GABRG3: variants seen among roughly 807,000 people sequenced by gnomAD.
GABRG3 encodes the protein gamma-aminobutyric acid receptor subunit gamma-3.
Under a neutral mutation model 48.8 loss-of-function variants are expected in GABRG3, and 25 were observed. The ratio of observed to expected loss-of-function variants is 0.51; its 90% CI spans 0.37 to 0.72. The LOEUF (loss-of-function observed/expected upper bound fraction) is 0.72, where lower values mean the gene tolerates loss of function less well. Ranked by LOEUF, GABRG3 falls within the 30% of genes least tolerant of loss-of-function variation. GABRG3 has a pLI of 0.00. For missense variants in GABRG3, 394 were observed against 577.9 expected, an observed-to-expected ratio of 0.68 and a Z score of 3.26; for synonymous variants, 227 against 217.6, an observed-to-expected ratio of 1.04 and a Z score of -0.38.
chr15:27,126,799 A>G (rs185094386), intron 3 of GABRG3, among the ~76,000 whole-genome samples: 198 of 152,272 alleles, frequency 1.3e-3, no homozygotes, highest in Non-Finnish European at 2.3e-3. Flanking sequence ...GACAGGTGCT[A>G]GGGATGGATG....
At chr15:27,110,325 C>G (rs977683892) in intron 3 of GABRG3, among the ~76,000 whole-genome samples, 13 of 152,130 alleles carry the variant, frequency 8.5e-5, no homozygotes, top group Non-Finnish European at 1.3e-4. Flanking sequence ...TCCTATGTCT[C>G]ATACATTACT....
Position 27,344,803 on chromosome 15 carries a change from A to G in GABRG3, c.574+15915A>G, listed in dbSNP as rs796155064. ...ACTCGGAGGGGTGTTTAAGTCTCTA[A>G]GTATAACAGTGGATATATATATATA... On this transcript the variant is annotated intron_variant, in intron 5 of 9. Coordinates refer to ENST00000615808, the MANE Select transcript of GABRG3 (RefSeq NM_033223.5). Among the ~76,000 whole-genome samples the G allele has an allele frequency of 1.6e-4, 24 of 152,162 alleles. 1 individual carries two copies. Among genetic ancestry groups the G allele is most frequent in the African/African-American group, 5.1e-4 (21 of 41,518 alleles).
chr15:27,341,022 G>A (rs758694052), intron 5 of GABRG3: 1 of 505,328 alleles, frequency 2.0e-6, no homozygotes, highest in Non-Finnish European at 3.9e-6. Context: ...ACTGTGCTGA[G>A]AAATAAACAG....
intron 3 of GABRG3, among the ~76,000 whole-genome samples, chr15:27,281,013 T>C (rs1891415286): frequency 6.6e-6 from 1 of 152,176 alleles, no homozygotes; most frequent in African/African-American, 2.4e-5. Flanking sequence ...GCTGTTTATG[T>C]ATATACCTTA....
intron 3 of GABRG3, among the ~76,000 whole-genome samples, chr15:27,029,008 C>A (rs1896033548): frequency 6.6e-6 from 1 of 152,176 alleles, no homozygotes; most frequent in African/African-American, 2.4e-5. Flanking sequence ...AACACGTGTG[C>A]ACCAGCATCC....
intron 3 of GABRG3, among the ~76,000 whole-genome samples, chr15:27,325,297 G>A (rs1344570101): frequency 2.0e-5 from 3 of 152,148 alleles, no homozygotes; most frequent in Non-Finnish European, 4.4e-5. Flanking sequence ...CAAGGCTGAG[G>A]CCATTCATCC....
At chr15:27,042,515 G>C (rs1896294295) in intron 3 of GABRG3, among the ~76,000 whole-genome samples, 1 of 152,188 alleles carries the variant, frequency 6.6e-6, no homozygotes, top group South Asian at 2.1e-4. Context: ...CCTCCCTGTT[G>C]CAGTGCGGTG....
At chr15:27,341,075 G>A (rs1894159277) in intron 5 of GABRG3, 2 of 417,252 alleles carry the variant, frequency 4.8e-6, no homozygotes, top group Non-Finnish European at 4.7e-6. Flanking sequence ...TGAAGAGTTA[G>A]CCAGGTCAGC....
At chr15:27,461,569 C>T (rs1418675706) in intron 5 of GABRG3, among the ~76,000 whole-genome samples, 2 of 152,218 alleles carry the variant, frequency 1.3e-5, no homozygotes, top group African/African-American at 4.8e-5. Flanking sequence ...GAGGTTGTCA[C>T]TGCTGGCATG....
At chr15:27,197,221 A>G (rs1888523453) in intron 3 of GABRG3, among the ~76,000 whole-genome samples, 1 of 152,198 alleles carries the variant, frequency 6.6e-6, no homozygotes, top group East Asian at 1.9e-4. Flanking sequence ...ATCGGGACAT[A>G]TCTGCATCAG....
At chr15:26,982,409 G>T (rs1895072789) in intron 2 of GABRG3, among the ~76,000 whole-genome samples, 1 of 152,176 alleles carries the variant, frequency 6.6e-6, no homozygotes, top group African/African-American at 2.4e-5. Flanking sequence ...AATTGCAAAT[G>T]GGGAGACAGT....
At chr15:27,130,232 G>T (rs1006602544) in intron 3 of GABRG3, among the ~76,000 whole-genome samples, 1 of 152,022 alleles carries the variant, frequency 6.6e-6, no homozygotes, top group Non-Finnish European at 1.5e-5. Flanking sequence ...TTTGTATGTG[G>T]TGTAAGATAA....
chr15:27,448,651 T>C (rs1268001565), intron 5 of GABRG3, among the ~76,000 whole-genome samples: 2 of 152,200 alleles, frequency 1.3e-5, no homozygotes, highest in East Asian at 3.9e-4. Flanking sequence ...TGTCATAGAT[T>C]CCACAAGGAA....
chr15:27,124,071 TGAG>T (rs1310228718), intron 3 of GABRG3, among the ~76,000 whole-genome samples: 1 of 152,186 alleles, frequency 6.6e-6, no homozygotes, highest in Non-Finnish European at 1.5e-5. Flanking sequence ...AGGGCAGCGG[TGAG>T]GAGGTCAACC....
chr15:27,364,025 G>A (rs10083616), intron 5 of GABRG3: 56,900 of 152,066 alleles, frequency 0.37, 13,157 homozygotes, highest in African/African-American at 0.65. Context: ...AGAGCAGGAC[G>A]CTGATGTTTG....
rs377141270 is a variant in GABRG3 at position 27,323,462 on chromosome 15, G to A, written c.271-3347G>A. Among the ~76,000 whole-genome samples the A allele has an allele frequency of 2.3e-3, 344 of 152,276 alleles. 1 individual carries two copies. Among genetic ancestry groups the A allele is most frequent in the Middle Eastern group, 6.8e-3 (2 of 294 alleles). The stretch of plus-strand genomic sequence containing the variant: ...TCCAGTAAACCAGTGTTCAAAGAAA[G>A]AAGGGAGTAAAACTTAAAAATGCCC... On this transcript the variant is annotated intron_variant, in intron 3 of 9. Coordinates refer to ENST00000615808, the MANE Select transcript of GABRG3 (RefSeq NM_033223.5).
intron 3 of GABRG3, among the ~76,000 whole-genome samples, chr15:27,286,375 C>G (rs1371982771): frequency 6.6e-6 from 1 of 152,196 alleles, no homozygotes; most frequent in Non-Finnish European, 1.5e-5. Flanking sequence ...TCCTTTGTCT[C>G]TTCCACTTTC....
In GABRG3 at chr15:27,001,888, G is replaced by GTTTTTTTTTTTTTTTTTTT. The variant is rs60516105; in HGVS notation, c.202+24753_202+24754insTTTTTTTTTTTTTTTTTTT. Among the ~76,000 whole-genome samples, 1,014 of 121,014 alleles carry GTTTTTTTTTTTTTTTTTTT rather than the reference G, an allele frequency of 8.4e-3. 58 individuals are homozygous for GTTTTTTTTTTTTTTTTTTT. Among genetic ancestry groups the GTTTTTTTTTTTTTTTTTTT allele is most frequent in the East Asian group, 0.029 (121 of 4,180 alleles). The allele number at this position is 121,014 out of a possible 152,430, so 79.4% of individuals were successfully genotyped here. ...CTTGAAGAGAGGTTCCCATAACTCAGTTTTTTTTTTTTTTTAAGATATGGT... is the reference window on the plus strand; with the variant it reads ...CTTGAAGAGAGGTTCCCATAACTCAGTTTTTTTTTTTTTTTTTTTTTTTTTTTTTTTTTTAAGATATGGT... On this transcript the variant is annotated intron_variant, in intron 2 of 9. Coordinates refer to ENST00000615808, the MANE Select transcript of GABRG3 (RefSeq NM_033223.5).
intron 5 of GABRG3, among the ~76,000 whole-genome samples, chr15:27,472,089 G>A (rs1566856548): frequency 1.3e-5 from 2 of 152,078 alleles, no homozygotes; most frequent in Non-Finnish European, 2.9e-5. Flanking sequence ...CAAGAATATA[G>A]TGTGTCTTTA....
Sources: gnomAD v4.1 joint callset for allele counts (sites outside exome capture counted in the v4.1 genomes callset) on GRCh38, gnomAD v4.1.1 for gene constraint, MANE v1.5 for transcripts, NCBI Gene and HGNC (gene_info 2026-07-23, HGNC 2026-07-21) for gene names.